TENM3: variants seen among roughly 807,000 people sequenced by gnomAD.
The protein encoded by TENM3 is teneurin-3.
TENM3 carries 63 observed loss-of-function variants against 255.1 expected under a neutral mutation model. That is an observed-to-expected ratio of 0.25 (90% CI 0.20 to 0.30). The LOEUF is 0.30. Among genes scored for constraint, TENM3 ranks in the 10% least tolerant of loss-of-function variants. TENM3 has a pLI of 1.00. For synonymous variants in TENM3, 1,306 were observed against 1,322.3 expected (o/e 0.99, Z 0.27); for missense variants, 2,929 against 3,461.1 (o/e 0.85, Z 3.86).
chr4:182,485,420 C>T (rs1249753193), intron 3 of TENM3, among the ~76,000 whole-genome samples: 1 of 152,136 alleles, frequency 6.6e-6, no homozygotes, highest in African/African-American at 2.4e-5. Flanking sequence ...TTATCATCCT[C>T]ATCCAGTAAC....
At chr4:182,466,754 GCTT>G (rs987626381) in intron 3 of TENM3, among the ~76,000 whole-genome samples, 4 of 151,770 alleles carry the variant, frequency 2.6e-5, no homozygotes, top group African/African-American at 9.7e-5. Flanking sequence ...CACATTCCGA[GCTT>G]CTTGGTGGCC....
intron 3 of TENM3, among the ~76,000 whole-genome samples, chr4:182,424,653 C>T (rs775186011): frequency 3.9e-5 from 6 of 152,052 alleles, no homozygotes; most frequent in Non-Finnish European, 7.4e-5. Context: ...CTGCCTAAAA[C>T]GAACTAAATT....
At chr4:182,645,530 A>C (rs1343165325) in intron 5 of TENM3, among the ~76,000 whole-genome samples, 1 of 152,182 alleles carries the variant, frequency 6.6e-6, no homozygotes, top group Non-Finnish European at 1.5e-5. Flanking sequence ...TCAGTTTGTA[A>C]TTGCAACTGG....
the TENM3 span, among the ~76,000 whole-genome samples, chr4:181,974,760 T>C: frequency 6.6e-6 from 1 of 152,176 alleles, no homozygotes; most frequent in Non-Finnish European, 1.5e-5. Context: ...ACTGATATGA[T>C]CTTACTTCTT....
chr4:182,400,914 G>A (rs1295985793), intron 3 of TENM3, among the ~76,000 whole-genome samples: 1 of 152,202 alleles, frequency 6.6e-6, no homozygotes, highest in Non-Finnish European at 1.5e-5. Flanking sequence ...GGGGTAGAAA[G>A]CAAGGCAAGG....
chr4:181,713,010 A>C, the TENM3 span, among the ~76,000 whole-genome samples: 109,755 of 152,124 alleles, frequency 0.72, 40,583 homozygotes, highest in East Asian at 0.83. Flanking sequence ...CATCACTATG[A>C]ACATTCACAG....
chr4:182,112,813 A>G, the TENM3 span, among the ~76,000 whole-genome samples: 1 of 152,174 alleles, frequency 6.6e-6, no homozygotes, highest in Admixed American at 6.6e-5. Flanking sequence ...AAGAACTTGG[A>G]GTTTCAGCTC....
intron 27 of TENM3, among the ~76,000 whole-genome samples, 167 bp downstream of exon 27, chr4:182,796,934 A>G (rs1766535845): frequency 6.6e-6 from 1 of 152,248 alleles, no homozygotes. Context: ...TCAACAAACC[A>G]GAGGCCTCTT....
intron 1 of TENM3, among the ~76,000 whole-genome samples, chr4:182,271,650 C>G (rs887588111): frequency 6.6e-6 from 1 of 152,200 alleles, no homozygotes; most frequent in Non-Finnish European, 1.5e-5. Context: ...CTCGGAACCT[C>G]AATCCTATAA....
At chr4:181,472,314 T>C in the TENM3 span, among the ~76,000 whole-genome samples, 1 of 151,458 alleles carries the variant, frequency 6.6e-6, no homozygotes, top group East Asian at 2.0e-4. Context: ...AATGGTATTA[T>C]GGCAGAAGGT....
At position 182,681,829 on chromosome 4, in the gene TENM3, C is replaced by T; in HGVS notation, c.1850C>T (p.Pro617Leu). 1 of 1,613,324 alleles carries T rather than the reference C, an allele frequency of 6.2e-7. No homozygotes were observed. Among genetic ancestry groups the T allele is most frequent in the South Asian group, 1.1e-5 (1 of 90,898 alleles). The change falls in exon 11 of 28, where the codon CCT (proline) becomes CTT (leucine). Residue 617 changes from proline to leucine, a missense_variant. Transcript: ENST00000511685. ...TTTACACCAGCTGACTGTATAGACC[C>T]TGGGTGTTCTAATCATGGTGTGTGT... ...ESCEEADCID[P>L]GCSNHGVCIH... is the part of the protein sequence containing the mutation.
At chr4:181,871,336 G>A in the TENM3 span, among the ~76,000 whole-genome samples, 1 of 151,982 alleles carries the variant, frequency 6.6e-6, no homozygotes, top group Non-Finnish European at 1.5e-5. Flanking sequence ...TCAATTTGAA[G>A]AAAAATGGCT....
chr4:181,535,632 C>T, the TENM3 span, among the ~76,000 whole-genome samples: 1 of 152,182 alleles, frequency 6.6e-6, no homozygotes, highest in South Asian at 2.1e-4. Context: ...AATGATTCAG[C>T]CTCAGCCTTT....
chr4:182,596,437 A>C (rs1201497847), intron 3 of TENM3, among the ~76,000 whole-genome samples: 1 of 152,206 alleles, frequency 6.6e-6, no homozygotes, highest in Non-Finnish European at 1.5e-5. Flanking sequence ...GAATGCGAAT[A>C]GAGCCATGAA....
At chr4:181,958,545 C>T in the TENM3 span, among the ~76,000 whole-genome samples, 11 of 152,078 alleles carry the variant, frequency 7.2e-5, no homozygotes, top group Non-Finnish European at 1.5e-4. Flanking sequence ...TGTAAAATTC[C>T]TGAGATGTTT....
chr4:182,280,561 C>T (rs1760315691), intron 1 of TENM3, among the ~76,000 whole-genome samples: 1 of 152,164 alleles, frequency 6.6e-6, no homozygotes, highest in East Asian at 1.9e-4. Context: ...ATGAACCTGA[C>T]TCATGGCATA....
rs547573668 is a variant in TENM3, at chr4:182,230,742, G to A, written c.-76+85988G>A. 1.3e-4 allele frequency among the ~76,000 whole-genome samples: 19 copies of A among 146,698 alleles called. No homozygotes were observed. In the East Asian group the frequency reaches 2.0e-3, roughly 16 times the overall value. On this transcript the variant is annotated intron_variant, in intron 1 of 2. Transcript: ENST00000512480. ...ATATTTCTGAGCTTTATTTTCTGGAGTTTGTATTCTTTTAATTTTTAAATT... is the reference window on the plus strand; with the variant it reads ...ATATTTCTGAGCTTTATTTTCTGGAATTTGTATTCTTTTAATTTTTAAATT...
chr4:182,592,470 T>A (rs1746761129), intron 3 of TENM3, among the ~76,000 whole-genome samples: 1 of 152,218 alleles, frequency 6.6e-6, no homozygotes, highest in African/African-American at 2.4e-5. Context: ...ACACCTGTAA[T>A]CCTAGCGCTT....
chr4:181,761,225 A>C, the TENM3 span, among the ~76,000 whole-genome samples: 1 of 152,098 alleles, frequency 6.6e-6, no homozygotes, highest in Admixed American at 6.5e-5. Context: ...CTTACAGTGT[A>C]TTATCATTGT....
Sources: gnomAD v4.1 joint callset for allele counts (sites outside exome capture counted in the v4.1 genomes callset) on GRCh38, gnomAD v4.1.1 for gene constraint, MANE v1.5 for transcripts, NCBI Gene and HGNC (gene_info 2026-07-23, HGNC 2026-07-21) for gene names.